Variants in ZNF732 observed in about 807,000 individuals in gnomAD.
The protein encoded by ZNF732 is zinc finger protein 732.
In ZNF732, 12 loss-of-function variants were observed where a neutral mutation model predicts 11.5. That is an observed-to-expected ratio of 1.05 (90% CI 0.67 to 1.70). The LOEUF (loss-of-function observed/expected upper bound fraction) is 1.70, where lower values mean the gene tolerates loss of function less well. Ranked by LOEUF, ZNF732 falls within the 40% of genes most tolerant of loss-of-function variation. The probability of loss-of-function intolerance (pLI) is 0.00; values close to 1 mark genes in which losing one functional copy is unlikely to be tolerated. For synonymous variants in ZNF732, 231 were observed against 236.5 expected, an observed-to-expected ratio of 0.98 and a Z score of 0.21; for missense variants, 702 against 676.9, an observed-to-expected ratio of 1.04 and a Z score of -0.41.
intron 2 of ZNF732, 109 bp downstream of exon 2, chr4:295,920 G>T: frequency 1.5e-6 from 2 of 1,353,760 alleles, no homozygotes; most frequent in South Asian, 1.5e-5. Context: ...CTTGAAGAAA[G>T]AAACTGAAAT....
chr4:278,310 G>T (rs1719543182), intron 3 of ZNF732, among the ~76,000 whole-genome samples: 1 of 152,114 alleles, frequency 6.6e-6, no homozygotes, highest in African/African-American at 2.4e-5. Flanking sequence ...TCCGAGGCAG[G>T]ACTTTACATA....
chr4:305,440 G>A lies in ZNF732; in HGVS notation c.-130C>T, dbSNP rs1720214436. 14 of 1,370,780 alleles carry A rather than the reference G, an allele frequency of 1.0e-5. No individual in the cohort carries two copies. The highest frequency in any genetic ancestry group is 1.9e-4 in the Middle Eastern group (1 of 5,270). The allele number at this position is 1,370,780 out of a possible 1,614,324, so 84.9% of individuals were successfully genotyped here. A position where few individuals can be genotyped will look rare whatever the true frequency, so the allele number is the denominator to read the frequency against. The stretch of plus-strand genomic sequence containing the variant: ...CCTGAGGGGTGAAAGCACGGCCGTG[G>A]AGACCCTAACCGAGCTCACGCTGGC... On this transcript the variant is annotated 5_prime_UTR_variant, in exon 1 of 4. Transcript: ENST00000419098.
Position 295,649 on chromosome 4 carries a change from T to G in ZNF732, c.131-116A>C, listed in dbSNP as rs187917739. On this transcript the variant is annotated intron_variant, in intron 2 of 3. Transcript: ENST00000419098. ...AGATCCTACATAATTAATCCAAAAA[T>G]TGTTTCCTGGCAGAATCTTTAAAAT... 2.1e-4 allele frequency: 202 copies of G among 950,752 alleles called. No individual in the cohort carries two copies. In the African/African-American group the frequency reaches 3.1e-3, roughly 15 times the overall value. The allele number at this position is 950,752 out of a possible 1,614,324, so 58.9% of individuals were successfully genotyped here.
At chr4:276,749 A>G (rs547543119) in intron 3 of ZNF732, among the ~76,000 whole-genome samples, 48 of 152,054 alleles carry the variant, frequency 3.2e-4, no homozygotes, top group Non-Finnish European at 7.4e-5. Context: ...TATAGATTCA[A>G]CGCAATCTCT....
chr4:303,282 C>T (rs1168916552), intron 1 of ZNF732, among the ~76,000 whole-genome samples: 3 of 152,304 alleles, frequency 2.0e-5, no homozygotes, highest in Non-Finnish European at 2.9e-5. Flanking sequence ...GCCCCTTCTT[C>T]GGGCCGAGAG....
intron 1 of ZNF732, among the ~76,000 whole-genome samples, chr4:297,232 C>T (rs775087633): frequency 2.6e-5 from 4 of 151,690 alleles, no homozygotes; most frequent in Non-Finnish European, 4.4e-5. Context: ...CATGCCACTG[C>T]ACTCCGCCTG....
intron 3 of ZNF732, among the ~76,000 whole-genome samples, chr4:289,284 A>G (rs1174649947): frequency 1.3e-5 from 2 of 152,268 alleles, no homozygotes; most frequent in Non-Finnish European, 2.9e-5. Flanking sequence ...GCCACCCTGC[A>G]TGTGTGTGCG....
chr4:286,396 C>G (rs1719731325), intron 3 of ZNF732, among the ~76,000 whole-genome samples: 1 of 152,062 alleles, frequency 6.6e-6, no homozygotes, highest in South Asian at 2.1e-4. Flanking sequence ...GTGGCATCAT[C>G]TACAAAACTG....
intron 3 of ZNF732, among the ~76,000 whole-genome samples, chr4:284,966 C>G (rs1449516871): frequency 6.6e-6 from 1 of 150,486 alleles, no homozygotes; most frequent in Non-Finnish European, 1.5e-5. Flanking sequence ...TAAAAGTTTT[C>G]TAAGTCAAAT....
chr4:288,416 T>C lies in ZNF732; in HGVS notation c.226+7022A>G, dbSNP rs544256430. Reference sequence around the variant, plus strand: ...TATTTAACTCACTCAAGATAGTTTTTGTACATGGTTCAGGGGAAGGATCCA... The same window carrying C: ...TATTTAACTCACTCAAGATAGTTTTCGTACATGGTTCAGGGGAAGGATCCA... On this transcript the variant is annotated intron_variant, in intron 3 of 3. Coordinates refer to ENST00000419098, the MANE Select transcript of ZNF732 (RefSeq NM_001137608.3). Among the ~76,000 whole-genome samples, 31 of 152,366 alleles carry C rather than the reference T, an allele frequency of 2.0e-4. 1 individual carries two copies. Among genetic ancestry groups the C allele is most frequent in the Admixed American group, 1.9e-3 (29 of 15,304 alleles).
chr4:295,638 T>A, intron 2 of ZNF732, 105 bp from the exon 3 acceptor site: 2 of 1,034,432 alleles, frequency 1.9e-6, no homozygotes, highest in Non-Finnish European at 2.8e-6. Flanking sequence ...CCTACATAAT[T>A]AATCCAAAAA....
chr4:292,294 C>G lies in ZNF732; in HGVS notation c.226+3144G>C, dbSNP rs2108658134. Among the ~76,000 whole-genome samples, 3 of 152,150 alleles carry G rather than the reference C, an allele frequency of 2.0e-5. No individual in the cohort carries two copies. The Middle Eastern group carries it at 0.01, about 518-fold the overall frequency. On this transcript the variant is annotated intron_variant, in intron 3 of 3. Coordinates refer to ENST00000419098, the MANE Select transcript of ZNF732 (RefSeq NM_001137608.3). ...CCTACAGGATATAAATATTTGCAAG[C>G]AATTTATCTGATAAAAAATTTGGGA...
chr4:285,655 TCA>T (rs535070671), intron 3 of ZNF732, among the ~76,000 whole-genome samples: 115 of 152,296 alleles, frequency 7.6e-4, no homozygotes, highest in African/African-American at 2.5e-3. Context: ...ACAAGACGAT[TCA>T]CAGTGTGACA....
intron 3 of ZNF732, among the ~76,000 whole-genome samples, chr4:288,663 A>G (rs1418564197): frequency 6.6e-6 from 1 of 152,238 alleles, no homozygotes; most frequent in Non-Finnish European, 1.5e-5. Flanking sequence ...TCTAAAAACA[A>G]GAAGTGTTGT....
chr4:297,846 G>A (rs965634888), intron 1 of ZNF732, among the ~76,000 whole-genome samples: 1 of 152,186 alleles, frequency 6.6e-6, no homozygotes, highest in Non-Finnish European at 1.5e-5. Flanking sequence ...AGATTTCAGT[G>A]TGGGGTCAGA....
chr4:293,244 GTA>G (rs537779142), intron 3 of ZNF732, among the ~76,000 whole-genome samples: 2 of 143,940 alleles, frequency 1.4e-5, no homozygotes, highest in African/African-American at 2.6e-5. Context: ...GTGTGTGTGT[GTA>G]TATATATATA....
At position 274,093 on chromosome 4, in the gene ZNF732, T is replaced by C. The variant is rs945604084; in HGVS notation, c.227-1463A>G. Among the ~76,000 whole-genome samples the C allele has an allele frequency of 4.6e-5, 7 of 151,776 alleles. 1 individual carries two copies. Among genetic ancestry groups the C allele is most frequent in the Admixed American group, 6.6e-5 (1 of 15,250 alleles). On this transcript the variant is annotated intron_variant, in intron 3 of 3. Coordinates refer to ENST00000419098, the MANE Select transcript of ZNF732 (RefSeq NM_001137608.3). ...AATATATAGCTTTCTGAAAAAGATA[T>C]GCACATCCACAAAGTTCTGTACCAC...
intron 3 of ZNF732, among the ~76,000 whole-genome samples, chr4:280,632 T>C (rs1324079871): frequency 6.6e-6 from 1 of 152,094 alleles, no homozygotes; most frequent in Non-Finnish European, 1.5e-5. Flanking sequence ...TTATGGGAGC[T>C]TTGGAATCCA....
chr4:280,907 A>G (rs1719606825), intron 3 of ZNF732, among the ~76,000 whole-genome samples: 2 of 152,112 alleles, frequency 1.3e-5, no homozygotes, highest in South Asian at 4.2e-4. Flanking sequence ...TTAGCCCCAA[A>G]TCCACTCTTT....
Sources: allele counts gnomAD v4.1 joint callset (sites outside exome capture counted in the v4.1 genomes callset), GRCh38; gene constraint gnomAD v4.1.1; transcripts MANE v1.5; gene names NCBI Gene and HGNC (gene_info 2026-07-23, HGNC 2026-07-21).